RNF31: variants seen among roughly 807,000 people sequenced by gnomAD.
The protein encoded by RNF31 is E3 ubiquitin-protein ligase RNF31.
A neutral mutation model predicts 133.6 loss-of-function variants in RNF31; 38 were observed. That is an observed-to-expected ratio of 0.28 (90% CI 0.22 to 0.37). RNF31 has a LOEUF of 0.37. RNF31 is among the 10% of genes least tolerant of loss of function. The probability of loss-of-function intolerance (pLI) is 1.00; values close to 1 mark genes in which losing one functional copy is unlikely to be tolerated. For missense variants in RNF31, 1,118 were observed against 1,394.1 expected, an observed-to-expected ratio of 0.80 and a Z score of 3.15; for synonymous variants, 582 against 552.3, an observed-to-expected ratio of 1.05 and a Z score of -0.75.
In RNF31 at chr14:24,157,423, G is replaced by T. The variant is rs757312672; in HGVS notation, c.2608+19G>T. On this transcript the variant is annotated intron_variant, in intron 15 of 20. Coordinates refer to ENST00000324103, the MANE Select transcript of RNF31 (RefSeq NM_017999.5). ...GGCATTGGTAAGGCCTCCCTACTCG[G>T]CCTGTTTGCTCAGAAGCCTGTCATT... The T allele has an allele frequency of 6.2e-7, 1 of 1,605,572 alleles. No individual in the cohort carries two copies. Among genetic ancestry groups the T allele is most frequent in the South Asian group, 1.1e-5 (1 of 90,802 alleles).
chr14:24,153,802 G>A (rs547606733), intron 11 of RNF31, among the ~76,000 whole-genome samples: 91 of 151,820 alleles, frequency 6.0e-4, no homozygotes, highest in African/African-American at 2.1e-3. Context: ...TACTTGGGAG[G>A]CTGAGGCAGG....
intron 18 of RNF31, chr14:24,158,476 T>G: frequency 2.0e-6 from 1 of 510,370 alleles, no homozygotes; most frequent in South Asian, 2.6e-5. Context: ...AATTAATTAA[T>G]TAGTTCAATG....
intron 18 of RNF31, among the ~76,000 whole-genome samples, chr14:24,159,094 C>T (rs1178496732): frequency 6.7e-6 from 1 of 149,052 alleles, no homozygotes; most frequent in Non-Finnish European, 1.5e-5. Flanking sequence ...CCTGTAATCT[C>T]AGCACTTTGG....
chr14:24,157,525 C>T lies in RNF31; in HGVS notation c.2614C>T (p.Pro872Ser). 1 of 1,614,076 alleles carries T rather than the reference C, an allele frequency of 6.2e-7. No homozygotes were observed. Among genetic ancestry groups the T allele is most frequent in the Non-Finnish European group, 8.5e-7 (1 of 1,179,942 alleles). Residue 872 changes from proline to serine, a missense_variant, in exon 16 of 21, where the codon CCC becomes TCC. Physicochemically the swap from Pro to Ser is moderately conservative, Grantham distance 74. This residue lies in a region of RNF31 where 201 missense variants were observed against 371.7 expected (regional missense o/e 0.54). Coordinates refer to ENST00000324103, the MANE Select transcript of RNF31 (RefSeq NM_017999.5). ...TGACCTCTTGTCCTTTGCAGACTGC[C>T]CCAAATGCAAGTTCTCGTACGCCCT... ...MYLQENGIDCPKCKFSYALAR... is the reference protein window; with the variant it reads ...MYLQENGIDCSKCKFSYALAR...
rs2038187323 is a variant in RNF31, at chr14:24,147,580, G to C, written c.-119G>C. ...GTGGTCTGAGTGACCTGGGGCGGCTGCGTGGGCCGGGGTGGGCCTCAAAGC... is the reference window on the plus strand; with the variant it reads ...GTGGTCTGAGTGACCTGGGGCGGCTCCGTGGGCCGGGGTGGGCCTCAAAGC... On this transcript the variant is annotated 5_prime_UTR_variant, in exon 1 of 21. Transcript: ENST00000324103. The C allele has an allele frequency of 1.1e-6, 1 of 884,304 alleles. No homozygotes were observed. The allele number at this position is 884,304 out of a possible 1,614,324, so 54.8% of individuals were successfully genotyped here. A position where few individuals can be genotyped will look rare whatever the true frequency, so the allele number is the denominator to read the frequency against.
rs1451664538 is a variant in RNF31, at chr14:24,147,692, C to T, written c.-7C>T. ...GCGGCGAGGCTGGGGCTGACTCCTG[C>T]CTCAGGATGCCGGGGGAGGAAGAGG... is the stretch of plus-strand genomic sequence containing the variant. On this transcript the variant is annotated 5_prime_UTR_variant, in exon 1 of 21. Transcript: ENST00000324103. 2 of 1,492,826 alleles carry T rather than the reference C, an allele frequency of 1.3e-6. No individual in the cohort carries two copies. Among genetic ancestry groups the T allele is most frequent in the Non-Finnish European group, 1.8e-6 (2 of 1,126,592 alleles). The allele number at this position is 1,492,826 out of a possible 1,614,324, so 92.5% of individuals were successfully genotyped here. A position where few individuals can be genotyped will look rare whatever the true frequency, so the allele number is the denominator to read the frequency against.
chr14:24,150,579 A>C lies in RNF31; in HGVS notation c.1198-19A>C. On this transcript the variant is annotated intron_variant, in intron 7 of 20. Coordinates refer to ENST00000324103, the MANE Select transcript of RNF31 (RefSeq NM_017999.5). ...CTTCAGCCAGCCAGTCAAAGGGATA[A>C]TTCTCTCTGCCTTCCCAGCAGGGGG... 6.2e-7 allele frequency: 1 copy of C among 1,600,556 alleles called. No homozygotes were observed. Among genetic ancestry groups the C allele is most frequent in the Non-Finnish European group, 8.5e-7 (1 of 1,169,866 alleles).
chr14:24,153,935 A>G (rs2038304801), intron 11 of RNF31, among the ~76,000 whole-genome samples: 1 of 152,154 alleles, frequency 6.6e-6, no homozygotes, highest in Admixed American at 6.5e-5. Context: ...TAAATGTAGA[A>G]TCTACAGGAA....
rs755129760 is a variant in RNF31 at position 24,160,422 on chromosome 14, C to T, written c.3165+15C>T. 1 of 1,611,726 alleles carries T rather than the reference C, an allele frequency of 6.2e-7. No homozygotes were observed. The highest frequency in any genetic ancestry group is 8.5e-7 in the Non-Finnish European group (1 of 1,178,204). ...GCTTGTTACAGGTATAGCCTCCACCCAGCCTCATCTCTTAACCCACCCTAC... is the reference window on the plus strand; with the variant it reads ...GCTTGTTACAGGTATAGCCTCCACCTAGCCTCATCTCTTAACCCACCCTAC... On this transcript the variant is annotated intron_variant, in intron 20 of 20. Transcript: ENST00000324103. The surrounding 1 kb of genome is among the most constrained non-coding windows in gnomAD (Gnocchi z 4.0).
rs368767945 is a variant in RNF31 at position 24,160,551 on chromosome 14, G to A, written c.3197G>A (p.Ser1066Asn). Reference sequence around the variant, plus strand: ...ACAGAAGAGGTACCCTTGGGACAGAGTATCCCCCGCAGGCGGAAGTAGCTG... The same window carrying A: ...ACAGAAGAGGTACCCTTGGGACAGAATATCCCCCGCAGGCGGAAGTAGCTG... ...KLTEEVPLGQ[S>N]IPRRRK Residue 1066 changes from serine (S) to asparagine (N), a missense_variant, in exon 21 of 21, where the codon AGT becomes AAT. This residue lies in a region of RNF31 where 170 missense variants were observed against 194.5 expected (regional missense o/e 0.87). Coordinates refer to ENST00000324103, the MANE Select transcript of RNF31 (RefSeq NM_017999.5). This position sits in a 1 kb window ranked among gnomAD's most constrained non-coding sequence, Gnocchi z 4.0. 3 of 1,541,806 alleles carry A rather than the reference G, an allele frequency of 1.9e-6. No individual in the cohort carries two copies. The African/African-American group carries it at 4.1e-5, about 21-fold the overall frequency.
rs542081688 is a variant in RNF31 at position 24,148,347 on chromosome 14, G to C, written c.429G>C (p.Glu143Asp). 6 of 1,614,212 alleles carry C rather than the reference G, an allele frequency of 3.7e-6. No individual in the cohort carries two copies. In the South Asian group the frequency reaches 5.5e-5, roughly 15 times the overall value. ...CCGAAGGGCAGGAGGAGCCAGATGAGCACCAGGTTGCTACAGTCACACTGG... is the reference window on the plus strand; with the variant it reads ...CCGAAGGGCAGGAGGAGCCAGATGACCACCAGGTTGCTACAGTCACACTGG... Reference protein sequence around the residue: ...SFPEGQEEPDEHQVATVTLEV... With the variant: ...SFPEGQEEPDDHQVATVTLEV... The change falls in exon 3 of 21, where the codon GAG (glutamate) becomes GAC (aspartate). Residue 143 changes from glutamate (E) to aspartate (D), a missense_variant. This residue lies in a region of RNF31 where 747 missense variants were observed against 827.9 expected (regional missense o/e 0.90). Transcript: ENST00000324103.
chr14:24,147,490 C>T (rs2038184821), upstream of RNF31: 1 of 418,794 alleles, frequency 2.4e-6, no homozygotes, highest in South Asian at 8.1e-5. Flanking sequence ...GCAGTCCCAC[C>T]CTCTCTCCTA....
rs1566617092 is a variant in RNF31 at position 24,158,133 on chromosome 14, C to CT, written c.2842-9_2842-8insT. 2.5e-6 allele frequency: 4 copies of CT among 1,614,202 alleles called. No homozygotes were observed. Among genetic ancestry groups the CT allele is most frequent in the Non-Finnish European group, 3.4e-6 (4 of 1,180,010 alleles). ...GGGAATGTAACACCCATCTGTCTCT[C>CT]CTCCTCAGGACAATAACGTCATGTT... On this transcript the variant is annotated splice_polypyrimidine_tract_variant and intron_variant, in intron 17 of 20. Coordinates refer to ENST00000324103, the MANE Select transcript of RNF31 (RefSeq NM_017999.5).
intron 4 of RNF31, 43 bp from the exon 5 acceptor site, chr14:24,148,758 G>T (rs1337485886): frequency 6.2e-7 from 1 of 1,613,318 alleles, no homozygotes; most frequent in Non-Finnish European, 8.5e-7. Context: ...GTGAGACTCT[G>T]TGTCCCTAAA....
At chr14:24,157,166 C>T in intron 14 of RNF31, 124 bp from the exon 15 acceptor site, 1 of 642,658 alleles carries the variant, frequency 1.6e-6, no homozygotes, top group South Asian at 2.0e-5. Context: ...GAGATCTGAG[C>T]AAATGGTAGG....
rs369760828 is a variant in RNF31 at position 24,150,854 on chromosome 14, G to A, written c.1454G>A (p.Arg485Gln). The A allele has an allele frequency of 6.4e-6, 10 of 1,567,520 alleles. No individual in the cohort carries two copies. The highest frequency in any genetic ancestry group is 2.7e-5 in the African/African-American group (2 of 73,776). Residue 485 changes from arginine to glutamine, a missense_variant, in exon 8 of 21, where the codon CGG (arginine) becomes CAG (glutamine). By Grantham distance (43) the Arg-to-Gln change is conservative (BLOSUM62 1). Coordinates refer to ENST00000324103, the MANE Select transcript of RNF31 (RefSeq NM_017999.5). ...GAGAAGCAGCGCCAAGACAAGATGCGGGAAGAAGGCCTCCAGCTAGTGAGC... is the reference window on the plus strand; with the variant it reads ...GAGAAGCAGCGCCAAGACAAGATGCAGGAAGAAGGCCTCCAGCTAGTGAGC... ...DPEKQRQDKM[R>Q]EEGLQLVSMI...
In RNF31 at chr14:24,150,973, T is replaced by G. The variant is rs1037001139; in HGVS notation, c.1488+85T>G. The G allele has an allele frequency of 5.3e-6, 8 of 1,506,888 alleles. No homozygotes were observed. The African/African-American group carries it at 1.1e-4, about 21-fold the overall frequency. The allele number at this position is 1,506,888 out of a possible 1,614,324, so 93.3% of individuals were successfully genotyped here. A position where few individuals can be genotyped will look rare whatever the true frequency, so the allele number is the denominator to read the frequency against. Reference sequence around the variant, plus strand: ...GGTGGTTAATAGTTTCTATGAATCTTGTTATTGTTAGCAGCAGCTGCCTGT... The same window carrying G: ...GGTGGTTAATAGTTTCTATGAATCTGGTTATTGTTAGCAGCAGCTGCCTGT... On this transcript the variant is annotated intron_variant, in intron 8 of 20. Transcript: ENST00000324103.
intron 14 of RNF31, among the ~76,000 whole-genome samples, chr14:24,156,352 T>C (rs572256056): frequency 1.5e-3 from 226 of 152,328 alleles, no homozygotes; most frequent in South Asian, 3.3e-3. Flanking sequence ...TCACCCAGGC[T>C]GGGGTCCACT....
chr14:24,151,152 T>A lies in RNF31; in HGVS notation c.1510T>A (p.Cys504Ser). 6.2e-7 allele frequency: 1 copy of A among 1,614,090 alleles called. No homozygotes were observed. Among genetic ancestry groups the A allele is most frequent in the Non-Finnish European group, 8.5e-7 (1 of 1,180,004 alleles). The part of the protein sequence containing the change: ...MIREGEAAGA[C>S]PEEIFSALQY... ...TTAGGAAGGGGAAGCCGCAGGTGCC[T>A]GTCCAGAGGAGATCTTCTCGGCTCT... Residue 504 changes from cysteine to serine, a missense_variant, in exon 9 of 21, where the codon TGT becomes AGT. Coordinates refer to ENST00000324103, the MANE Select transcript of RNF31 (RefSeq NM_017999.5). This position sits in a 1 kb window ranked among gnomAD's most constrained non-coding sequence, Gnocchi z 5.3.
Sources: gnomAD v4.1 joint callset for allele counts (sites outside exome capture counted in the v4.1 genomes callset) on GRCh38, gnomAD v4.1.1 for gene constraint, gnomAD v4.1.1 regional missense constraint, Gnocchi (gnomAD v3.1) non-coding constraint, MANE v1.5 for transcripts, NCBI Gene and HGNC (gene_info 2026-07-23, HGNC 2026-07-21) for gene names.